Variants in EMILIN2 observed in about 807,000 individuals in gnomAD.
The protein encoded by EMILIN2 is elastin microfibril interfacer 2, also known as EMILIN-2.
A neutral mutation model predicts 87.1 loss-of-function variants in EMILIN2; 71 were observed. The ratio of observed to expected loss-of-function variants is 0.82; its 90% CI spans 0.67 to 0.99. The LOEUF is 0.99. Among genes scored for constraint, EMILIN2 ranks in the 50% least tolerant of loss-of-function variants. The pLI, the probability that EMILIN2 is intolerant of heterozygous loss-of-function variation, is 0.00. For missense variants in EMILIN2, 1,407 were observed against 1,371.8 expected (o/e 1.03, Z -0.40); for synonymous variants, 581 against 563.4 (o/e 1.03, Z -0.44).
intron 2 of EMILIN2, among the ~76,000 whole-genome samples, chr18:2,872,579 A>G (rs1251314014): frequency 6.6e-6 from 1 of 152,186 alleles, no homozygotes; most frequent in Non-Finnish European, 1.5e-5. Flanking sequence ...AAATGATGTG[A>G]TACAGTAGGT....
intron 4 of EMILIN2, among the ~76,000 whole-genome samples, chr18:2,895,982 C>T (rs1015498652): frequency 1.8e-4 from 27 of 152,120 alleles, no homozygotes; most frequent in Admixed American, 3.9e-4. Context: ...CAGCCTGTTG[C>T]CCTCTTCACA....
intron 6 of EMILIN2, 133 bp downstream of exon 6, chr18:2,909,108 C>T (rs1280003786): frequency 6.2e-6 from 7 of 1,135,592 alleles, no homozygotes; most frequent in Non-Finnish European, 9.3e-6. Context: ...TCCCCACCCA[C>T]CAGCACTGGG....
At chr18:2,906,528 G>T in intron 4 of EMILIN2, 1 of 346,294 alleles carries the variant, frequency 2.9e-6, no homozygotes. Flanking sequence ...TTTGGAAAGT[G>T]CAGCCGTCTG....
chr18:2,865,606 G>A (rs980381912), intron 2 of EMILIN2, among the ~76,000 whole-genome samples: 1 of 152,234 alleles, frequency 6.6e-6, no homozygotes, highest in Non-Finnish European at 1.5e-5. Context: ...CATGTGAGGT[G>A]TGAGTCTGCC....
rs761704005 is a variant in EMILIN2, at chr18:2,890,286, GTTC to G, written c.434-269_434-267del. On this transcript the variant is annotated intron_variant, in intron 3 of 7. Coordinates refer to ENST00000254528, the MANE Select transcript of EMILIN2 (RefSeq NM_032048.3). The surrounding 1 kb of genome is among the most constrained non-coding windows in gnomAD (Gnocchi z 4.7). ...TATTATTTTAACAGCTCTAGAAGCT[GTTC>G]TTCTTTATAGATGAGAGGATTATAG... Among the ~76,000 whole-genome samples the G allele has an allele frequency of 9.8e-5, 15 of 152,310 alleles. 1 individual carries two copies. Among genetic ancestry groups the G allele is most frequent in the Admixed American group, 2.0e-4 (3 of 15,302 alleles).
In EMILIN2 at chr18:2,847,702, G is replaced by A. The variant is rs2076582216; in HGVS notation, c.135-107G>A. 2 of 1,471,954 alleles carry A rather than the reference G, an allele frequency of 1.4e-6. No individual in the cohort carries two copies. The highest frequency in any genetic ancestry group is 2.3e-5 in the Admixed American group (1 of 43,308). The allele number at this position is 1,471,954 out of a possible 1,614,324, so 91.2% of individuals were successfully genotyped here. On this transcript the variant is annotated intron_variant, in intron 1 of 7. Coordinates refer to ENST00000254528, the MANE Select transcript of EMILIN2 (RefSeq NM_032048.3). The surrounding 1 kb of genome is among the most constrained non-coding windows in gnomAD (Gnocchi z 4.5). ...GCTCCCGCCTCCGCAGAGGGCGACG[G>A]GCCCCCCCGACCCTCGCTCGGTCTG...
intron 3 of EMILIN2, among the ~76,000 whole-genome samples, chr18:2,886,627 ATTTACTCAGTATTCAGTG>A (rs920940546): frequency 5.9e-5 from 9 of 152,034 alleles, no homozygotes; most frequent in Non-Finnish European, 1.2e-4. Context: ...CATATTCTTT[ATTTACTCAGTATTCAGTG>A]TTTACATTGT....
intron 2 of EMILIN2, among the ~76,000 whole-genome samples, chr18:2,853,093 C>G (rs949555441): frequency 6.6e-5 from 10 of 152,188 alleles, no homozygotes; most frequent in Admixed American, 6.5e-5. Flanking sequence ...CCTGTGGACT[C>G]TAAATAACAC....
Position 2,912,197 on chromosome 18 carries a change from C to G in EMILIN2, c.2825-870C>G, listed in dbSNP as rs983149424. Among the ~76,000 whole-genome samples, 6 of 150,880 alleles carry G rather than the reference C, an allele frequency of 4.0e-5. No individual in the cohort carries two copies. The South Asian group carries it at 8.3e-4, about 21-fold the overall frequency. ...GCGACTACAGGTGCACGCCACCACG[C>G]CCATCTAATTTTTTTTGTATTTTTA... On this transcript the variant is annotated intron_variant, in intron 7 of 7. Coordinates refer to ENST00000254528, the MANE Select transcript of EMILIN2 (RefSeq NM_032048.3).
intron 7 of EMILIN2, among the ~76,000 whole-genome samples, 158 bp from the exon 8 acceptor site, chr18:2,912,909 T>A (rs2076947978): frequency 6.6e-6 from 1 of 152,012 alleles, no homozygotes; most frequent in Non-Finnish European, 1.5e-5. Flanking sequence ...CTGTAGGGGA[T>A]GAGCATAAAA....
chr18:2,882,917 T>G (rs1598495423), intron 2 of EMILIN2, among the ~76,000 whole-genome samples: 1 of 151,510 alleles, frequency 6.6e-6, no homozygotes, highest in Non-Finnish European at 1.5e-5. Context: ...GCATGGTGCC[T>G]GTAATCTCAG....
intron 2 of EMILIN2, among the ~76,000 whole-genome samples, chr18:2,857,510 TG>T (rs2076633878): frequency 6.6e-6 from 1 of 152,226 alleles, no homozygotes; most frequent in African/African-American, 2.4e-5. Context: ...GTGACAATGC[TG>T]CTTGTTTTTC....
intron 2 of EMILIN2, among the ~76,000 whole-genome samples, chr18:2,864,266 T>A (rs947447276): frequency 1.5e-3 from 231 of 152,274 alleles, no homozygotes; most frequent in African/African-American, 4.9e-3. Flanking sequence ...TGTCATTATG[T>A]TGTTAGCTGG....
chr18:2,863,538 GT>G (rs57106449), intron 2 of EMILIN2, among the ~76,000 whole-genome samples: 7,376 of 152,204 alleles, frequency 0.048, 705 homozygotes, highest in East Asian at 0.47. Flanking sequence ...TTTTGAGTGA[GT>G]TTCTTAATCC....
In EMILIN2 at chr18:2,880,492, G is replaced by A. The variant is rs1314727714; in HGVS notation, c.258-4472G>A. Among the ~76,000 whole-genome samples, 5 of 152,166 alleles carry A rather than the reference G, an allele frequency of 3.3e-5. No individual in the cohort carries two copies. Among genetic ancestry groups the A allele is most frequent in the African/African-American group, 1.2e-4 (5 of 41,450 alleles). ...GCCCAGGGTTACAGCCCCAAGGGCC[G>A]CCCCCGCCCATACCCAAGGCACCTG... is the stretch of plus-strand genomic sequence containing the variant. On this transcript the variant is annotated intron_variant, in intron 2 of 7. Coordinates refer to ENST00000254528, the MANE Select transcript of EMILIN2 (RefSeq NM_032048.3). The surrounding 1 kb of genome is among the most constrained non-coding windows in gnomAD (Gnocchi z 4.1).
At position 2,884,997 on chromosome 18, in the gene EMILIN2, TA is replaced by T; in HGVS notation, c.292del (p.Arg98GlyfsTer5). The T allele has an allele frequency of 1.2e-6, 2 of 1,607,698 alleles. No individual in the cohort carries two copies. The highest frequency in any genetic ancestry group is 1.7e-6 in the Non-Finnish European group (2 of 1,176,918). ...RVNFRPRYVT[R>X]YKTVTQLEWR... ...TGAACTTCAGACCTAGATATGTCAC[TA>T]GGTATAAGACAGTGACACAGTTGGA... is the stretch of plus-strand genomic sequence containing the variant. On this transcript the variant is annotated frameshift_variant, in exon 3 of 8. Coordinates refer to ENST00000254528, the MANE Select transcript of EMILIN2 (RefSeq NM_032048.3). LOFTEE classifies it high-confidence loss of function.
In EMILIN2 at chr18:2,847,307, C is replaced by G. The variant is rs781538463; in HGVS notation, c.119C>G (p.Pro40Arg). 1.6e-3 allele frequency: 2,049 copies of G among 1,319,274 alleles called. 1 individual carries two copies. The highest frequency in any genetic ancestry group is 2.2e-3 in the Admixed American group (54 of 24,962). The allele number at this position is 1,319,274 out of a possible 1,614,324, so 81.7% of individuals were successfully genotyped here. A position where few individuals can be genotyped will look rare whatever the true frequency, so the allele number is the denominator to read the frequency against. Reference sequence around the variant, plus strand: ...CCGCAGCCCGGGTATCCCGCGCGGCCCAGCGCCAGGAACAAGTAAGTGCGC... The same window carrying G: ...CCGCAGCCCGGGTATCCCGCGCGGCGCAGCGCCAGGAACAAGTAAGTGCGC... The part of the protein sequence containing the change: ...AGPQPGYPAR[P>R]SARNKNWCAY... The change falls in exon 1 of 8, where the codon CCC (proline) becomes CGC (arginine). Residue 40 changes from proline to arginine, a missense_variant. Transcript: ENST00000254528. The surrounding 1 kb of genome is among the most constrained non-coding windows in gnomAD (Gnocchi z 4.5).
At chr18:2,877,357 T>G (rs1295705330) in intron 2 of EMILIN2, among the ~76,000 whole-genome samples, 1 of 151,888 alleles carries the variant, frequency 6.6e-6, no homozygotes, top group African/African-American at 2.4e-5. Context: ...AAAGTGTCAA[T>G]AAATATAAAA....
intron 4 of EMILIN2, among the ~76,000 whole-genome samples, chr18:2,905,400 T>G (rs1355112990): frequency 1.3e-5 from 2 of 151,708 alleles, no homozygotes; most frequent in East Asian, 3.9e-4. Flanking sequence ...ATATATGGGG[T>G]ACATGAGGTA....
Sources: gnomAD v4.1 joint callset for allele counts (sites outside exome capture counted in the v4.1 genomes callset) on GRCh38, gnomAD v4.1.1 for gene constraint, Gnocchi (gnomAD v3.1) non-coding constraint, MANE v1.5 for transcripts, NCBI Gene and HGNC (gene_info 2026-07-23, HGNC 2026-07-21) for gene names.